Variants in PSD3 observed in about 807,000 individuals in gnomAD.
The protein encoded by PSD3 is pleckstrin and Sec7 domain containing 3.
In PSD3, 49 loss-of-function variants were observed where a neutral mutation model predicts 105.5. The observed-to-expected ratio is 0.46, with a 90% CI of 0.37 to 0.59. PSD3 has a LOEUF of 0.59. Among genes scored for constraint, PSD3 ranks in the 20% least tolerant of loss-of-function variants. The probability of loss-of-function intolerance (pLI) is 0.00; values close to 1 mark genes in which losing one functional copy is unlikely to be tolerated. For synonymous variants in PSD3, 557 were observed against 457.8 expected (o/e 1.22, Z -2.77); for missense variants, 1,561 against 1,263.8 (o/e 1.24, Z -3.57).
chr8:18,942,509 T>C (rs1020551330), intron 1 of PSD3, among the ~76,000 whole-genome samples: 2 of 152,204 alleles, frequency 1.3e-5, no homozygotes, highest in African/African-American at 4.8e-5. Context: ...TATGTTGAAG[T>C]CCTAACCCCC....
intron 12 of PSD3, among the ~76,000 whole-genome samples, chr8:18,577,671 G>A (rs1259267462): frequency 4.6e-5 from 7 of 151,914 alleles, no homozygotes; most frequent in East Asian, 1.9e-4. Flanking sequence ...TTTCTTTTAC[G>A]AAAATGCTCT....
chr8:18,714,828 C>T (rs1360320866), intron 9 of PSD3, among the ~76,000 whole-genome samples: 1 of 152,170 alleles, frequency 6.6e-6, no homozygotes, highest in Non-Finnish European at 1.5e-5. Flanking sequence ...GACACATGCA[C>T]GTGTATGTTC....
chr8:19,048,195 G>C (rs764836727), intron 1 of PSD3, among the ~76,000 whole-genome samples: 1 of 152,188 alleles, frequency 6.6e-6, no homozygotes, highest in South Asian at 2.1e-4. Flanking sequence ...CTGAATGCCA[G>C]GGAGCCTGGT....
intron 9 of PSD3, among the ~76,000 whole-genome samples, chr8:18,670,156 G>GTT (rs1233930361): frequency 6.6e-6 from 1 of 152,168 alleles, no homozygotes; most frequent in Non-Finnish European, 1.5e-5. Context: ...GCAAGGAAAC[G>GTT]TAAGACGTGA....
intron 11 of PSD3, 118 bp downstream of exon 11, chr8:18,632,495 G>C (rs569803506): frequency 1.8e-6 from 2 of 1,109,816 alleles, no homozygotes; most frequent in East Asian, 2.6e-5. Context: ...CCAATTTCAA[G>C]AATGTGTCTA....
chr8:18,872,248 C>G lies in PSD3; in HGVS notation c.616G>C (p.Glu206Gln), dbSNP rs149727808. ...TGGATGCTCAAATAAAAACTTTCCT[C>G]CGTTGTTACTTCAGCTGAAAGAGGT... Reference protein sequence around the residue: ...EIPLSAEVTTEESFYLSIQKD... With the variant: ...EIPLSAEVTTQESFYLSIQKD... The change falls in exon 3 of 16, where the codon GAG becomes CAG. Residue 206 changes from glutamate (E) to glutamine (Q), a missense_variant. Coordinates refer to ENST00000327040, the MANE Select transcript of PSD3 (RefSeq NM_015310.4). The G allele has an allele frequency of 1.2e-6, 2 of 1,614,216 alleles. No homozygotes were observed. The highest frequency in any genetic ancestry group is 4.5e-5 in the East Asian group (2 of 44,874).
At chr8:18,755,515 C>T (rs1339487700) in intron 9 of PSD3, among the ~76,000 whole-genome samples, 2 of 150,318 alleles carry the variant, frequency 1.3e-5, no homozygotes, top group East Asian at 3.9e-4. Context: ...AACATTCAAA[C>T]GTCTATGGAT....
intron 1 of PSD3, among the ~76,000 whole-genome samples, chr8:19,070,693 T>C (rs1829225815): frequency 1.3e-5 from 2 of 151,920 alleles, no homozygotes; most frequent in Non-Finnish European, 2.9e-5. Flanking sequence ...ATAAGAAATA[T>C]ATATATAAAC....
intron 9 of PSD3, among the ~76,000 whole-genome samples, chr8:18,737,327 T>TTGTGTGTG (rs150376192): frequency 6.6e-6 from 1 of 151,876 alleles, no homozygotes; most frequent in Non-Finnish European, 1.5e-5. Flanking sequence ...ATTTGTTTAT[T>TTGTGTGTG]TGTGTGTGTG....
chr8:18,713,501 G>A (rs1802383737), intron 9 of PSD3, among the ~76,000 whole-genome samples: 1 of 152,076 alleles, frequency 6.6e-6, no homozygotes, highest in Non-Finnish European at 1.5e-5. Flanking sequence ...GACAAGCAGA[G>A]AGCCAAATCA....
In PSD3 at chr8:18,842,982, T is replaced by C. The variant is rs1055137511; in HGVS notation, c.1634+24692A>G. 1.6e-4 allele frequency among the ~76,000 whole-genome samples: 24 copies of C among 152,314 alleles called. 1 individual carries two copies. Among genetic ancestry groups the C allele is most frequent in the African/African-American group, 5.8e-4 (24 of 41,578 alleles). On this transcript the variant is annotated intron_variant, in intron 4 of 15. Transcript: ENST00000327040. ...TTTTCATATCATTCTTTTATAAAGA[T>C]AAATTCATTTTCCATGTTATTTTTT... is the stretch of plus-strand genomic sequence containing the variant.
chr8:19,018,808 C>G (rs1827261470), intron 1 of PSD3, among the ~76,000 whole-genome samples: 1 of 152,114 alleles, frequency 6.6e-6, no homozygotes, highest in Admixed American at 6.5e-5. Flanking sequence ...AGTTTCTTTT[C>G]TGTTTTGAGA....
chr8:18,809,468 A>G (rs1430542086), intron 4 of PSD3, among the ~76,000 whole-genome samples: 1 of 152,162 alleles, frequency 6.6e-6, no homozygotes, highest in Non-Finnish European at 1.5e-5. Context: ...TCATACTAAG[A>G]TTGGCAGATT....
At chr8:18,593,815 T>G (rs1803796686) in intron 12 of PSD3, among the ~76,000 whole-genome samples, 1 of 151,720 alleles carries the variant, frequency 6.6e-6, no homozygotes, top group Admixed American at 6.6e-5. Context: ...TGAGTTCATG[T>G]CCTTTGTAGG....
intron 10 of PSD3, among the ~76,000 whole-genome samples, chr8:18,647,280 A>G (rs1329441457): frequency 1.3e-5 from 2 of 152,238 alleles, no homozygotes; most frequent in African/African-American, 4.8e-5. Flanking sequence ...CTATCATAAC[A>G]CATGACTGGA....
rs985266889 is a variant in PSD3, at chr8:18,998,873, C to A, written c.21+14690G>T. 1.8e-4 allele frequency among the ~76,000 whole-genome samples: 28 copies of A among 151,854 alleles called. 1 individual carries two copies. The highest frequency in any genetic ancestry group is 6.8e-4 in the African/African-American group (28 of 41,314). On this transcript the variant is annotated intron_variant, in intron 1 of 15. Transcript: ENST00000327040. ...GGTGTAACCCATTTTCAGTGAACTT[C>A]TGGACTCAAGTACAAGACAGAAAAA...
intron 2 of PSD3, among the ~76,000 whole-genome samples, chr8:18,888,037 G>T (rs964938793): frequency 6.6e-6 from 1 of 152,170 alleles, no homozygotes; most frequent in Non-Finnish European, 1.5e-5. Context: ...TTCAAACACA[G>T]GCAATGTGCC....
At chr8:18,909,819 T>C (rs914367050) in intron 2 of PSD3, among the ~76,000 whole-genome samples, 1 of 152,224 alleles carries the variant, frequency 6.6e-6, no homozygotes, top group East Asian at 1.9e-4. Context: ...TTCTACAATG[T>C]TTTAAGTAAA....
intron 9 of PSD3, among the ~76,000 whole-genome samples, chr8:18,762,124 G>A: frequency 6.6e-6 from 1 of 152,172 alleles, no homozygotes; most frequent in East Asian, 1.9e-4. Context: ...CCGTAGTACT[G>A]GATGTGGGGT....
Sources: gnomAD v4.1 joint callset for allele counts (sites outside exome capture counted in the v4.1 genomes callset) on GRCh38, gnomAD v4.1.1 for gene constraint, MANE v1.5 for transcripts, NCBI Gene and HGNC (gene_info 2026-07-23, HGNC 2026-07-21) for gene names.